Variants in XXYLT1 observed in about 807,000 individuals in gnomAD.
XXYLT1 encodes xyloside xylosyltransferase 1.
XXYLT1 carries 20 observed loss-of-function variants against 28.9 expected under a neutral mutation model. That is an observed-to-expected ratio of 0.69 (90% CI 0.49 to 1.00). The LOEUF (loss-of-function observed/expected upper bound fraction) is 1.00, where lower values mean the gene tolerates loss of function less well. XXYLT1 is among the 50% of genes least tolerant of loss of function. The pLI, the probability that XXYLT1 is intolerant of heterozygous loss-of-function variation, is 0.00. For missense variants in XXYLT1, 542 were observed against 560.1 expected (o/e 0.97, Z 0.33); for synonymous variants, 257 against 253.8 (o/e 1.01, Z -0.12).
At chr3:195,153,531 A>G (rs1474981486) in intron 3 of XXYLT1, among the ~76,000 whole-genome samples, 2 of 152,080 alleles carry the variant, frequency 1.3e-5, no homozygotes, top group Admixed American at 1.3e-4. Flanking sequence ...CATTCTTCAG[A>G]CTCTGCTGCA....
At chr3:195,207,012 C>T (rs779760614) in intron 2 of XXYLT1, among the ~76,000 whole-genome samples, 1 of 151,992 alleles carries the variant, frequency 6.6e-6, no homozygotes, top group African/African-American at 2.4e-5. Context: ...AAAAGGCCCA[C>T]GGAGGATGTT....
At chr3:195,110,770 T>TGTATAA (rs1246084217) in intron 3 of XXYLT1, among the ~76,000 whole-genome samples, 9 of 5,946 alleles carry the variant, frequency 1.5e-3, no homozygotes. Flanking sequence ...GTGTGTGTGG[T>TGTATAA]GTGTGTGTGG....
intron 3 of XXYLT1, among the ~76,000 whole-genome samples, chr3:195,140,473 A>G (rs1719426297): frequency 6.6e-6 from 1 of 152,216 alleles, no homozygotes; most frequent in Non-Finnish European, 1.5e-5. Flanking sequence ...ACACTGCTAT[A>G]AAGACATACC....
At chr3:195,160,806 G>A (rs921894653) in intron 2 of XXYLT1, among the ~76,000 whole-genome samples, 1 of 152,202 alleles carries the variant, frequency 6.6e-6, no homozygotes, top group Admixed American at 6.5e-5. Context: ...TCCGCCCCGC[G>A]ACGCACAGAC....
chr3:195,103,361 C>G (rs112612225), intron 3 of XXYLT1, among the ~76,000 whole-genome samples: 13 of 139,292 alleles, frequency 9.3e-5, no homozygotes, highest in African/African-American at 3.6e-4. Flanking sequence ...CATCACCCCA[C>G]GCCAGCGGCC....
intron 1 of XXYLT1, among the ~76,000 whole-genome samples, chr3:195,267,590 G>C (rs928862845): frequency 6.6e-6 from 1 of 152,230 alleles, no homozygotes; most frequent in Non-Finnish European, 1.5e-5. Flanking sequence ...TCAGGTGCTA[G>C]GGAGGCAGCA....
intron 2 of XXYLT1, among the ~76,000 whole-genome samples, chr3:195,208,108 C>T (rs187012530): frequency 5.1e-4 from 78 of 152,298 alleles, no homozygotes; most frequent in African/African-American, 1.5e-3. Context: ...CACCAGGGCA[C>T]GACTCCTAGG....
intron 3 of XXYLT1, among the ~76,000 whole-genome samples, chr3:195,074,927 G>A (rs908764100): frequency 6.6e-6 from 1 of 152,180 alleles, no homozygotes; most frequent in Non-Finnish European, 1.5e-5. Context: ...AGCAGGCTGA[G>A]GTCTCCAGCT....
At chr3:195,102,523 A>G (rs553013334) in intron 3 of XXYLT1, among the ~76,000 whole-genome samples, 2 of 152,190 alleles carry the variant, frequency 1.3e-5, no homozygotes, top group African/African-American at 4.8e-5. Context: ...AAGATTCTAC[A>G]TATAAGTGAG....
chr3:195,127,727 T>C (rs1718707439), intron 3 of XXYLT1, among the ~76,000 whole-genome samples: 1 of 152,020 alleles, frequency 6.6e-6, no homozygotes, highest in Non-Finnish European at 1.5e-5. Context: ...CAGTAAGCCA[T>C]GATCATGCCA....
At chr3:195,246,388 G>C (rs1168246181) in intron 1 of XXYLT1, among the ~76,000 whole-genome samples, 1 of 152,162 alleles carries the variant, frequency 6.6e-6, no homozygotes. Flanking sequence ...GAGGGTCTTT[G>C]GCAAGCAGAT....
At chr3:195,236,807 A>G (rs1724567525) in intron 1 of XXYLT1, among the ~76,000 whole-genome samples, 4 of 151,796 alleles carry the variant, frequency 2.6e-5, no homozygotes, top group Admixed American at 2.6e-4. Context: ...TTTCGTCAGC[A>G]GGTGATGATT....
At chr3:195,203,069 A>G (rs1383035090) in intron 2 of XXYLT1, among the ~76,000 whole-genome samples, 1 of 152,152 alleles carries the variant, frequency 6.6e-6, no homozygotes, top group Non-Finnish European at 1.5e-5. Context: ...TCGGCCTCCC[A>G]AAGTGCTGGC....
Position 195,078,788 on chromosome 3 carries a change from G to A in XXYLT1, c.786-8677C>T, listed in dbSNP as rs921998557. 6.6e-6 allele frequency among the ~76,000 whole-genome samples: 1 copy of A among 151,724 alleles called. No individual in the cohort carries two copies. Among genetic ancestry groups the A allele is most frequent in the Non-Finnish European group, 1.5e-5 (1 of 67,958 alleles). On this transcript the variant is annotated intron_variant, in intron 3 of 3. Transcript: ENST00000310380. This position sits in a 1 kb window ranked among gnomAD's most constrained non-coding sequence, Gnocchi z 5.0. ...CTCCCCACCTCCCATCGCACCATCC[G>A]GCTGGCAGCTCCTTGCTCGCCGCCT...
chr3:195,135,902 G>T (rs764806232), intron 3 of XXYLT1, among the ~76,000 whole-genome samples: 2 of 152,106 alleles, frequency 1.3e-5, no homozygotes, highest in Non-Finnish European at 2.9e-5. Context: ...GACTCAGGCT[G>T]CAGACATAAA....
intron 1 of XXYLT1, among the ~76,000 whole-genome samples, chr3:195,267,945 A>G (rs1195568055): frequency 6.6e-6 from 1 of 152,244 alleles, no homozygotes; most frequent in Non-Finnish European, 1.5e-5. Context: ...AAGGAAAAAA[A>G]GAGCACTTTT....
chr3:195,120,303 C>CCCCCCCCCCT (rs1560106289), intron 3 of XXYLT1, among the ~76,000 whole-genome samples: 2 of 142,154 alleles, frequency 1.4e-5, no homozygotes, highest in Non-Finnish European at 1.5e-5. Flanking sequence ...GCCCCAGCCC[C>CCCCCCCCCCT]CATGGCCACA....
chr3:195,096,642 C>T (rs1716461818), intron 3 of XXYLT1, among the ~76,000 whole-genome samples: 1 of 144,026 alleles, frequency 6.9e-6, no homozygotes, highest in African/African-American at 2.5e-5. Flanking sequence ...TGCAAGGAAA[C>T]CATTCCTTCT....
chr3:195,069,900 A>C lies in XXYLT1; in HGVS notation c.997T>G (p.Phe333Val). The C allele has an allele frequency of 6.2e-7, 1 of 1,614,042 alleles. No individual in the cohort carries two copies. Among genetic ancestry groups the C allele is most frequent in the South Asian group, 1.1e-5 (1 of 91,084 alleles). Residue 333 changes from phenylalanine (F) to valine (V), a missense_variant, in exon 4 of 4, where the codon TTC becomes GTC. By Grantham distance (50) the Phe-to-Val change is conservative. Coordinates refer to ENST00000310380, the MANE Select transcript of XXYLT1 (RefSeq NM_152531.5). Reference sequence around the variant, plus strand: ...TGCTCCATGCCGATCATGGTGAAGAAGTCCTGGTCCCCGAGGTGGCCGCGG... The same window carrying C: ...TGCTCCATGCCGATCATGGTGAAGACGTCCTGGTCCCCGAGGTGGCCGCGG... ...HFRGHLGDQDFFTMIGMEHPK... is the reference protein window; with the variant it reads ...HFRGHLGDQDVFTMIGMEHPK...
Sources: gnomAD v4.1 joint callset for allele counts (sites outside exome capture counted in the v4.1 genomes callset) on GRCh38, gnomAD v4.1.1 for gene constraint, Gnocchi (gnomAD v3.1) non-coding constraint, MANE v1.5 for transcripts, NCBI Gene and HGNC (gene_info 2026-07-23, HGNC 2026-07-21) for gene names.